Variants in DCX observed in about 807,000 individuals in gnomAD.
The protein encoded by DCX is neuronal migration protein doublecortin.
In DCX, 4 loss-of-function variants were observed where a neutral mutation model predicts 20.9. The observed-to-expected ratio is 0.19, with a 90% CI of 0.09 to 0.44. The LOEUF (loss-of-function observed/expected upper bound fraction) is 0.44. Among genes scored for constraint, DCX ranks in the 20% least tolerant of loss-of-function variants. DCX has a pLI of 0.99. For synonymous variants in DCX, 103 were observed against 111.4 expected, an observed-to-expected ratio of 0.92 and a Z score of 0.47; for missense variants, 133 against 296.9, an observed-to-expected ratio of 0.45 and a Z score of 4.06.
chrX:111,383,448 C>T (rs1226700474), intron 3 of DCX, among the ~76,000 whole-genome samples: 1 of 111,769 alleles, frequency 8.9e-6, no homozygotes, highest in African/African-American at 3.3e-5. Context: ...AAGTTTTATC[C>T]ATTGTCCTAC....
At chrX:111,391,641 C>T (rs910874327) in intron 3 of DCX, among the ~76,000 whole-genome samples, 1 of 110,509 alleles carries the variant, frequency 9.0e-6, no homozygotes, top group Non-Finnish European at 1.9e-5. Context: ...CAGCAGCATC[C>T]CTGGCCTATA....
intron 6 of DCX, among the ~76,000 whole-genome samples, chrX:111,307,347 T>C (rs186003410): frequency 1.4e-3 from 153 of 109,406 alleles, no homozygotes; most frequent in Non-Finnish European, 2.3e-3. Context: ...CGTGTATATA[T>C]ATGTATGTAG....
At chrX:111,336,121 G>C (rs898836281) in intron 3 of DCX, among the ~76,000 whole-genome samples, 1 of 112,066 alleles carries the variant, frequency 8.9e-6, no homozygotes, top group African/African-American at 3.2e-5. Context: ...TGTGGAAATT[G>C]CTTCCTAAGA....
At chrX:111,305,138 A>G (rs1282290155) in intron 6 of DCX, among the ~76,000 whole-genome samples, 1 of 111,939 alleles carries the variant, frequency 8.9e-6, no homozygotes, top group East Asian at 2.8e-4. Flanking sequence ...TGATAGAAAC[A>G]CAGAATCCAT....
In DCX at chrX:111,295,154, T is replaced by C. The variant is rs895393457; in HGVS notation, c.*6533A>G. ...TAACCTCTTACTTGTTCAAATCCCT[T>C]TTGGATAACTTATAAAGAAAAGTCA... On this transcript the variant is annotated 3_prime_UTR_variant, in exon 7 of 7. Transcript: ENST00000636035. 8.9e-6 allele frequency: 1 copy of C among 112,250 alleles called. No homozygotes were observed. The highest frequency in any genetic ancestry group is 3.2e-5 in the African/African-American group (1 of 30,916). 9.3% of individuals were successfully genotyped at this position (112,250 alleles called of 1,213,427 possible).
At chrX:111,374,004 C>T (rs1314339850) in intron 3 of DCX, among the ~76,000 whole-genome samples, 2 of 111,930 alleles carry the variant, frequency 1.8e-5, no homozygotes, top group African/African-American at 6.5e-5. Context: ...TTAGACAAGT[C>T]CAAGCTCCTT....
chrX:111,327,504 T>C (rs1159359947), intron 5 of DCX, among the ~76,000 whole-genome samples: 1 of 112,570 alleles, frequency 8.9e-6, no homozygotes, highest in Non-Finnish European at 1.9e-5. Context: ...TCCGCTTTTG[T>C]TTCTGTGGGA....
At position 111,300,345 on chromosome X, in the gene DCX, A is replaced by G. The variant is rs2095031020; in HGVS notation, c.*1342T>C. The G allele has an allele frequency of 8.9e-6, 1 of 112,745 alleles. No individual in the cohort carries two copies. Among genetic ancestry groups the G allele is most frequent in the Non-Finnish European group, 1.9e-5 (1 of 53,335 alleles). 9.3% of individuals were successfully genotyped at this position (112,745 alleles called of 1,213,427 possible). ...TCCTTAGTAAAGAGAAATCCTTTCTAATGTTAAAGACAAGTGAAAGATTTC... is the reference window on the plus strand; with the variant it reads ...TCCTTAGTAAAGAGAAATCCTTTCTGATGTTAAAGACAAGTGAAAGATTTC... On this transcript the variant is annotated 3_prime_UTR_variant, in exon 7 of 7. Transcript: ENST00000636035.
At chrX:111,317,770 T>C (rs918312689) in intron 5 of DCX, among the ~76,000 whole-genome samples, 4 of 112,007 alleles carry the variant, frequency 3.6e-5, no homozygotes, top group African/African-American at 1.3e-4. Flanking sequence ...GCAGACACTT[T>C]TCAAAAGAAG....
At chrX:111,317,631 C>A (rs2095075918) in intron 5 of DCX, among the ~76,000 whole-genome samples, 1 of 111,612 alleles carries the variant, frequency 9.0e-6, no homozygotes, top group African/African-American at 3.3e-5. Context: ...AGACAACCTA[C>A]AGAATGGTAG....
intron 6 of DCX, among the ~76,000 whole-genome samples, chrX:111,308,082 T>C (rs1200274485): frequency 8.9e-6 from 1 of 112,330 alleles, no homozygotes; most frequent in Non-Finnish European, 1.9e-5. Context: ...GGTAGAACAA[T>C]GTTCAGGAAA....
intron 3 of DCX, among the ~76,000 whole-genome samples, chrX:111,391,376 A>G (rs1233676527): frequency 9.0e-6 from 1 of 111,100 alleles, no homozygotes; most frequent in Non-Finnish European, 1.9e-5. Context: ...AGTCAATTAA[A>G]CCACTTTTTT....
intron 5 of DCX, among the ~76,000 whole-genome samples, chrX:111,322,440 A>G (rs1337970272): frequency 8.9e-6 from 1 of 112,183 alleles, no homozygotes; most frequent in Non-Finnish European, 1.9e-5. Context: ...GGAGATCTCA[A>G]CACACAATTC....
At chrX:111,312,777 A>C (rs1241541860) in intron 5 of DCX, 41 bp from the exon 6 acceptor site, 1 of 1,158,144 alleles carries the variant, frequency 8.6e-7, no homozygotes, top group African/African-American at 1.8e-5. Context: ...AAAAATCAAC[A>C]GCATACAAAG....
At chrX:111,325,527 T>C (rs1035936682) in intron 5 of DCX, among the ~76,000 whole-genome samples, 2 of 111,983 alleles carry the variant, frequency 1.8e-5, no homozygotes, top group African/African-American at 3.2e-5. Flanking sequence ...ACTGAGGTAA[T>C]AGATTTGGAA....
At position 111,301,054 on chromosome X, in the gene DCX, T is replaced by G. The variant is rs1433274389; in HGVS notation, c.*633A>C. The G allele has an allele frequency of 1.7e-5, 2 of 114,332 alleles. No individual in the cohort carries two copies. The highest frequency in any genetic ancestry group is 6.5e-5 in the African/African-American group (2 of 30,849). The allele number at this position is 114,332 out of a possible 1,213,427, so 9.4% of individuals were successfully genotyped here. ...CAGTATTTTCCAATTCTGTCTATTCTCTTAGCTAACCCAGCACCAGGATCC... is the reference window on the plus strand; with the variant it reads ...CAGTATTTTCCAATTCTGTCTATTCGCTTAGCTAACCCAGCACCAGGATCC... On this transcript the variant is annotated 3_prime_UTR_variant, in exon 7 of 7. Coordinates refer to ENST00000636035, the MANE Select transcript of DCX (RefSeq NM_001195553.2).
intron 3 of DCX, among the ~76,000 whole-genome samples, chrX:111,339,085 T>C (rs1921993632): frequency 8.9e-6 from 1 of 112,582 alleles, no homozygotes. Context: ...TTCCTTCTGC[T>C]TCAATCTCTT....
At chrX:111,363,452 C>T (rs1427863589) in intron 3 of DCX, among the ~76,000 whole-genome samples, 1 of 108,805 alleles carries the variant, frequency 9.2e-6, no homozygotes, top group Non-Finnish European at 1.9e-5. Context: ...ATGGGAGCAA[C>T]CAACAGTGCT....
intron 6 of DCX, among the ~76,000 whole-genome samples, chrX:111,302,932 T>C (rs892391453): frequency 1.8e-5 from 2 of 111,946 alleles, no homozygotes; most frequent in African/African-American, 6.5e-5. Flanking sequence ...AGCTTTTGCA[T>C]GGTCTTTGGC....
Sources: allele counts gnomAD v4.1 joint callset (sites outside exome capture counted in the v4.1 genomes callset), GRCh38; gene constraint gnomAD v4.1.1; transcripts MANE v1.5; gene names NCBI Gene and HGNC (gene_info 2026-07-23, HGNC 2026-07-21).